The following SCAI variants were observed in gnomAD, a reference collection of about 807,000 sequenced individuals.
SCAI encodes the protein suppressor of cancer cell invasion.
A neutral mutation model predicts 92.2 loss-of-function variants in SCAI; 24 were observed. The observed-to-expected ratio is 0.26, with a 90% CI of 0.19 to 0.37. The LOEUF is 0.37. Ranked by LOEUF, SCAI falls within the 10% of genes least tolerant of loss-of-function variation. SCAI has a pLI of 1.00. For missense variants in SCAI, 450 were observed against 736.2 expected (o/e 0.61, Z 4.50); for synonymous variants, 261 against 258.6 (o/e 1.01, Z -0.09).
Position 125,118,163 on chromosome 9 carries a change from A to G in SCAI, c.98+24470T>C, listed in dbSNP as rs1428470483. On this transcript the variant is annotated intron_variant, in intron 2 of 17. Coordinates refer to ENST00000336505, the MANE Select transcript of SCAI (RefSeq NM_001144877.3). ...ACTAAACACTTAAAATCTACACATT[A>G]TATGTAAAATATTAATACATTTAAA... Among the ~76,000 whole-genome samples, 3 of 152,200 alleles carry G rather than the reference A, an allele frequency of 2.0e-5. No individual in the cohort carries two copies. In the East Asian group the frequency reaches 5.8e-4, roughly 29 times the overall value.
intron 2 of SCAI, among the ~76,000 whole-genome samples, chr9:125,063,795 C>A (rs1833823831): frequency 6.6e-6 from 1 of 151,458 alleles, no homozygotes; most frequent in Admixed American, 6.6e-5. Context: ...CTCTTATCAC[C>A]CAGGCTGAAG....
intron 8 of SCAI, 70 bp from the exon 9 acceptor site, chr9:125,019,021 CT>C: frequency 6.5e-7 from 1 of 1,540,774 alleles, no homozygotes; most frequent in Non-Finnish European, 8.9e-7. Context: ...GCTATTCCTT[CT>C]TCTTGACATA....
intron 7 of SCAI, among the ~76,000 whole-genome samples, chr9:125,019,919 CA>C (rs1192561083): frequency 1.3e-5 from 2 of 151,604 alleles, no homozygotes; most frequent in Middle Eastern, 3.2e-3. Flanking sequence ...ACAAAAAACA[CA>C]AAAATTAGCT....
chr9:125,075,206 C>T (rs1834064609), intron 2 of SCAI, among the ~76,000 whole-genome samples: 1 of 152,136 alleles, frequency 6.6e-6, no homozygotes, highest in South Asian at 2.1e-4. Flanking sequence ...ACAATTCATT[C>T]AAACTGTCTC....
rs764755427 is a variant in SCAI at position 125,019,120 on chromosome 9, G to A, written c.695C>T (p.Ala232Val). ...TCAAAAACTGACCTCAATGAAAGCT[G>A]CTACTTCTTGAAGCACCAAGTTCCA... is the stretch of plus-strand genomic sequence containing the variant. ...VEWNLVLQEV[A>V]AFIEADPVMV... The change falls in exon 8 of 18, where the codon GCA (alanine) becomes GTA (valine). Residue 232 changes from alanine to valine, a missense_variant. By Grantham distance (64) the Ala-to-Val change is moderately conservative. Transcript: ENST00000336505. 7 of 1,600,980 alleles carry A rather than the reference G, an allele frequency of 4.4e-6. No homozygotes were observed. The highest frequency in any genetic ancestry group is 1.3e-5 in the African/African-American group (1 of 74,314).
At chr9:124,994,035 A>ATT (rs34546893) in intron 14 of SCAI, among the ~76,000 whole-genome samples, 2,575 of 139,064 alleles carry the variant, frequency 0.019, 83 homozygotes, top group African/African-American at 0.062. Flanking sequence ...CACTGCTGGC[A>ATT]TTTTTTTTTT....
At chr9:124,997,819 T>G (rs10819022) in intron 13 of SCAI, among the ~76,000 whole-genome samples, 79,592 of 148,150 alleles carry the variant, frequency 0.54, 21,946 homozygotes, top group South Asian at 0.58. Context: ...GAGGTTGCAG[T>G]GAGCCAAGAT....
chr9:125,046,319 AC>A (rs1833439912), intron 3 of SCAI, among the ~76,000 whole-genome samples: 3 of 6,882 alleles, frequency 4.4e-4, no homozygotes, highest in Non-Finnish European at 1.9e-3. Flanking sequence ...ATATATATAC[AC>A]ACACACACAC....
chr9:125,011,990 T>C (rs1832650957), intron 9 of SCAI, among the ~76,000 whole-genome samples: 1 of 152,178 alleles, frequency 6.6e-6, no homozygotes, highest in African/African-American at 2.4e-5. Flanking sequence ...CTGAGAGATT[T>C]TGTCATCACC....
intron 2 of SCAI, among the ~76,000 whole-genome samples, chr9:125,081,382 G>C (rs1834214519): frequency 1.3e-5 from 2 of 152,172 alleles, no homozygotes; most frequent in African/African-American, 4.8e-5. Flanking sequence ...TGGAGATAAG[G>C]AACTTGTTAG....
chr9:124,962,420 C>G (rs920292207), intron 17 of SCAI, among the ~76,000 whole-genome samples: 18 of 152,200 alleles, frequency 1.2e-4, no homozygotes, highest in African/African-American at 4.1e-4. Context: ...TGTGGCCTGC[C>G]AAAGTGCTGG....
In SCAI at chr9:125,067,902, C is replaced by T. The variant is rs373664513; in HGVS notation, c.99-11895G>A. ...GAAAATTTGGCAAATTATTGACCTG[C>T]CTTGTTGATAATTACTTTTTATAGG... On this transcript the variant is annotated intron_variant, in intron 2 of 17. Transcript: ENST00000336505. 4.6e-5 allele frequency among the ~76,000 whole-genome samples: 7 copies of T among 152,134 alleles called. No homozygotes were observed. The East Asian group carries it at 9.6e-4, about 21-fold the overall frequency.
intron 14 of SCAI, among the ~76,000 whole-genome samples, chr9:124,981,045 T>C (rs140014261): frequency 1.3e-3 from 199 of 152,338 alleles, no homozygotes; most frequent in African/African-American, 4.4e-3. Context: ...ATAATCTTTA[T>C]TTGCAAGTTT....
chr9:124,944,696 G>A lies in SCAI; in HGVS notation c.*8111C>T, dbSNP rs1831115442. ...AAATAAGCTTTTTAAAAATACAGTG[G>A]TTATCCCTCTATGGTTTGGAAGTAT... On this transcript the variant is annotated 3_prime_UTR_variant, in exon 18 of 18. Transcript: ENST00000336505. 1 of 151,894 alleles carries A rather than the reference G, an allele frequency of 6.6e-6. No individual in the cohort carries two copies. The highest frequency in any genetic ancestry group is 2.1e-4 in the South Asian group (1 of 4,814). 9.4% of individuals were successfully genotyped at this position (151,894 alleles called of 1,614,324 possible).
intron 2 of SCAI, among the ~76,000 whole-genome samples, chr9:125,058,489 T>C (rs527401869): frequency 2.6e-5 from 4 of 152,286 alleles, no homozygotes; most frequent in Admixed American, 6.5e-5. Context: ...TACTTCAGCC[T>C]GGGCGACAGA....
intron 2 of SCAI, among the ~76,000 whole-genome samples, chr9:125,083,668 T>C (rs1042925412): frequency 4.6e-5 from 7 of 152,112 alleles, no homozygotes; most frequent in African/African-American, 1.7e-4. Context: ...ATCAGCTGCA[T>C]GAAAATGGAG....
At chr9:125,128,073 G>A (rs148561703) in intron 2 of SCAI, among the ~76,000 whole-genome samples, 1 of 152,064 alleles carries the variant, frequency 6.6e-6, no homozygotes, top group African/African-American at 2.4e-5. Context: ...AGAACTTTGG[G>A]AGGCTGGGGC....
intron 2 of SCAI, among the ~76,000 whole-genome samples, chr9:125,058,582 G>A (rs1833716416): frequency 6.6e-6 from 1 of 152,148 alleles, no homozygotes; most frequent in Non-Finnish European, 1.5e-5. Flanking sequence ...CATGCATGGT[G>A]TGTGTGTCTA....
intron 14 of SCAI, among the ~76,000 whole-genome samples, chr9:124,986,673 A>G (rs770412225): frequency 6.6e-6 from 1 of 152,234 alleles, no homozygotes; most frequent in Non-Finnish European, 1.5e-5. Context: ...CACCTCAGGA[A>G]GTCCAACAAA....
Sources: allele counts gnomAD v4.1 joint callset (sites outside exome capture counted in the v4.1 genomes callset), GRCh38; gene constraint gnomAD v4.1.1; transcripts MANE v1.5; gene names NCBI Gene and HGNC (gene_info 2026-07-23, HGNC 2026-07-21).